RARB: variants seen among roughly 807,000 people sequenced by gnomAD.
RARB encodes retinoic acid receptor beta.
A neutral mutation model predicts 51.9 loss-of-function variants in RARB; 17 were observed. The ratio of observed to expected loss-of-function variants is 0.33; its 90% confidence interval spans 0.22 to 0.49. The LOEUF (loss-of-function observed/expected upper bound fraction) is 0.49, where lower values mean the gene tolerates loss of function less well. RARB is among the 20% of genes least tolerant of loss of function. The pLI is 0.99. For missense variants in RARB, 369 were observed against 550.8 expected, an observed-to-expected ratio of 0.67 and a Z score of 3.30; for synonymous variants, 215 against 195.4, an observed-to-expected ratio of 1.10 and a Z score of -0.84.
intron 2 of RARB, among the ~76,000 whole-genome samples, chr3:24,985,336 T>G (rs1011137560): frequency 4.7e-5 from 7 of 149,036 alleles, no homozygotes; most frequent in Non-Finnish European, 8.9e-5. Context: ...GGCATTTGCC[T>G]CATGGTTTTT....
At chr3:25,246,522 T>G (rs1468168088) in intron 5 of RARB, among the ~76,000 whole-genome samples, 3 of 152,162 alleles carry the variant, frequency 2.0e-5, no homozygotes, top group Non-Finnish European at 4.4e-5. Context: ...TCCTTTTTGT[T>G]GATATTGTTG....
intron 5 of RARB, among the ~76,000 whole-genome samples, chr3:25,266,474 ATT>A (rs1159410794): frequency 1.3e-5 from 2 of 151,886 alleles, no homozygotes; most frequent in Non-Finnish European, 2.9e-5. Flanking sequence ...TGTTGCAAAT[ATT>A]TTTTCTTAAT....
intron 5 of RARB, among the ~76,000 whole-genome samples, chr3:25,240,290 TC>T (rs781112372): frequency 1.2e-4 from 19 of 152,144 alleles, no homozygotes; most frequent in Non-Finnish European, 2.5e-4. Context: ...CAACTTGACT[TC>T]CTCATTTTCA....
chr3:25,226,414 C>T (rs1702058242), intron 5 of RARB, among the ~76,000 whole-genome samples: 1 of 152,108 alleles, frequency 6.6e-6, no homozygotes, highest in Non-Finnish European at 1.5e-5. Context: ...GGAAAAAAAG[C>T]ACTATGGCCA....
intron 1 of RARB, among the ~76,000 whole-genome samples, chr3:24,853,791 CT>C (rs397875879): frequency 6.6e-6 from 1 of 152,170 alleles, no homozygotes; most frequent in Non-Finnish European, 1.5e-5. Context: ...TCATTGTTGG[CT>C]TTGGGCACAG....
rs113812826 is a variant in RARB, at chr3:25,349,505, G to C, written c.179-111688G>C. 1.1e-3 allele frequency among the ~76,000 whole-genome samples: 165 copies of C among 152,208 alleles called. 1 individual carries two copies. Among genetic ancestry groups the C allele is most frequent in the Middle Eastern group, 3.4e-3 (1 of 294 alleles). On this transcript the variant is annotated intron_variant, in intron 5 of 11. Coordinates refer to the RARB transcript ENST00000383772. The stretch of plus-strand genomic sequence containing the variant: ...AGTTTGGCCCATGTAAGATGAATAG[G>C]TCAGCAGAAACATATTGTCCTCCTA...
intron 1 of RARB, among the ~76,000 whole-genome samples, chr3:25,430,763 G>C (rs899389846): frequency 2.0e-5 from 3 of 152,136 alleles, no homozygotes; most frequent in Non-Finnish European, 4.4e-5. Flanking sequence ...ATTTGACAAA[G>C]GGATTTCAGA....
intron 2 of RARB, among the ~76,000 whole-genome samples, chr3:24,980,523 T>A (rs1696635886): frequency 6.6e-6 from 1 of 152,192 alleles, no homozygotes; most frequent in Non-Finnish European, 1.5e-5. Context: ...CTTCAGTCGA[T>A]CAAATTCGAT....
chr3:25,205,790 T>G (rs919927507), intron 5 of RARB, among the ~76,000 whole-genome samples: 1 of 152,128 alleles, frequency 6.6e-6, no homozygotes, highest in Non-Finnish European at 1.5e-5. Context: ...TTGCCCTAGC[T>G]GGAGTGCAGT....
rs536981342 is a variant in RARB at position 25,555,418 on chromosome 3, A to G, written c.449-14340A>G. On this transcript the variant is annotated intron_variant, in intron 3 of 7. Transcript: ENST00000330688. ...TATATTGGATATGCATTTGTTTATC[A>G]TCTGCCTCCCCCAAGAAGAAAATAA... 4 of 152,316 alleles carry G rather than the reference A, an allele frequency of 2.6e-5. No individual in the cohort carries two copies. The South Asian group carries it at 8.3e-4, about 32-fold the overall frequency. 9.4% of individuals were successfully genotyped at this position (152,316 alleles called of 1,614,324 possible).
chr3:25,582,821 C>T (rs1039617317), intron 5 of RARB, among the ~76,000 whole-genome samples: 2 of 152,166 alleles, frequency 1.3e-5, no homozygotes, highest in East Asian at 1.9e-4. Context: ...AGTTATTTAA[C>T]TTCTCTAAGC....
chr3:25,512,819 G>C (rs1311855698), intron 3 of RARB, among the ~76,000 whole-genome samples: 1 of 152,138 alleles, frequency 6.6e-6, no homozygotes, highest in Non-Finnish European at 1.5e-5. Flanking sequence ...GGTGGTCCAG[G>C]AGCTTTTGGT....
intron 2 of RARB, among the ~76,000 whole-genome samples, chr3:24,937,841 A>T (rs949211491): frequency 6.6e-6 from 1 of 152,176 alleles, no homozygotes; most frequent in Non-Finnish European, 1.5e-5. Context: ...AGAGATTTTA[A>T]TCCCAAATCT....
intron 3 of RARB, among the ~76,000 whole-genome samples, chr3:25,526,986 G>C (rs1393848844): frequency 6.6e-6 from 1 of 152,190 alleles, no homozygotes; most frequent in Non-Finnish European, 1.5e-5. Flanking sequence ...TGAGGGGCAG[G>C]TGTATGTTTA....
intron 5 of RARB, among the ~76,000 whole-genome samples, chr3:25,205,696 C>A (rs1221508084): frequency 6.6e-6 from 1 of 152,000 alleles, no homozygotes; most frequent in African/African-American, 2.4e-5. Context: ...TAAATATGTG[C>A]ATCTATTATG....
At chr3:25,274,482 G>C (rs949768055) in intron 5 of RARB, among the ~76,000 whole-genome samples, 2 of 152,162 alleles carry the variant, frequency 1.3e-5, no homozygotes, top group African/African-American at 2.4e-5. Flanking sequence ...GATCAGGAAG[G>C]CCTCTCCTAC....
intron 2 of RARB, among the ~76,000 whole-genome samples, chr3:25,026,169 A>G (rs917432670): frequency 6.6e-6 from 1 of 152,188 alleles, no homozygotes; most frequent in African/African-American, 2.4e-5. Flanking sequence ...GTGGCATATG[A>G]GGAAAGGGGC....
At chr3:25,569,051 T>C (rs1250569939) in intron 3 of RARB, among the ~76,000 whole-genome samples, 1 of 152,260 alleles carries the variant, frequency 6.6e-6, no homozygotes, top group Non-Finnish European at 1.5e-5. Flanking sequence ...ACACACCTGC[T>C]GTGGGTCCAG....
chr3:24,963,790 A>G (rs1357449097), intron 2 of RARB, among the ~76,000 whole-genome samples: 1 of 152,078 alleles, frequency 6.6e-6, no homozygotes, highest in Non-Finnish European at 1.5e-5. Context: ...GGAACCTAGA[A>G]TAAGTGTCTT....
Sources: allele counts gnomAD v4.1 joint callset (sites outside exome capture counted in the v4.1 genomes callset), GRCh38; gene constraint gnomAD v4.1.1; transcripts MANE v1.5; gene names NCBI Gene and HGNC (gene_info 2026-07-23, HGNC 2026-07-21).